METTL15: variants seen among roughly 807,000 people sequenced by gnomAD.
The protein encoded by METTL15 is 12S rRNA N(4)-cytidine methyltransferase METTL15.
Under a neutral mutation model 38.3 loss-of-function variants are expected in METTL15, and 34 were observed. The observed-to-expected ratio is 0.89, with a 90% CI of 0.68 to 1.18. The LOEUF (loss-of-function observed/expected upper bound fraction) is 1.18, where lower values mean the gene tolerates loss of function less well. Ranked by LOEUF, METTL15 falls within the 50% of genes most tolerant of loss-of-function variation. The probability of loss-of-function intolerance (pLI) is 0.00; values close to 1 mark genes in which losing one functional copy is unlikely to be tolerated. For synonymous variants in METTL15, 162 were observed against 170.9 expected (o/e 0.95, Z 0.41); for missense variants, 438 against 498.4 (o/e 0.88, Z 1.15).
Position 28,398,804 on chromosome 11 carries a change from A to G in METTL15, c.*359-25495A>G, listed in dbSNP as rs965184843. On this transcript the variant is annotated intron_variant and NMD_transcript_variant, in intron 5 of 7. Transcript: ENST00000532947. ...TTCTTCTAGGGTTTTTATGGAGGAC[A>G]CAAACAAATGGAAAAACATTCCATG... 3.3e-5 allele frequency: 5 copies of G among 151,626 alleles called. No homozygotes were observed. The Admixed American group carries it at 3.3e-4, about 10-fold the overall frequency. 9.4% of individuals were successfully genotyped at this position (151,626 alleles called of 1,614,324 possible).
chr11:28,330,333 T>C, intron 6 of METTL15, 63 bp from the exon 7 acceptor site: 1 of 1,374,852 alleles, frequency 7.3e-7, no homozygotes, highest in Non-Finnish European at 9.8e-7. Flanking sequence ...ATTCATTAGA[T>C]TTACAGTGAA....
downstream of METTL15, among the ~76,000 whole-genome samples, chr11:28,334,712 T>C (rs1849885277): frequency 1.3e-5 from 2 of 152,160 alleles, no homozygotes; most frequent in South Asian, 4.1e-4. Flanking sequence ...ATCCAACTAA[T>C]GTTTGGTAAC....
intron 6 of METTL15, 151 bp from the exon 7 acceptor site, chr11:28,330,245 A>G: frequency 3.0e-6 from 2 of 663,698 alleles, no homozygotes. Context: ...TTTGGGAATA[A>G]GAGGGGGAAG....
At chr11:28,223,087 A>G (rs926175750) in intron 4 of METTL15, among the ~76,000 whole-genome samples, 7 of 152,142 alleles carry the variant, frequency 4.6e-5, no homozygotes, top group African/African-American at 1.7e-4. Context: ...AAAACACATA[A>G]TCTTCTTAGA....
At chr11:28,517,800 A>G (rs565963282) in intron 6 of METTL15, among the ~76,000 whole-genome samples, 2 of 152,350 alleles carry the variant, frequency 1.3e-5, no homozygotes, top group South Asian at 2.1e-4. Context: ...CAGAAACCTC[A>G]GGGAGGAGAC....
At chr11:28,221,376 G>A (rs7129521) in intron 4 of METTL15, among the ~76,000 whole-genome samples, 14,290 of 151,992 alleles carry the variant, frequency 0.094, 1,213 homozygotes, top group East Asian at 0.36. Flanking sequence ...TTGTGCATTC[G>A]TTACGCAGTT....
chr11:28,283,788 A>T (rs12290739), intron 4 of METTL15, among the ~76,000 whole-genome samples: 21,978 of 152,168 alleles, frequency 0.14, 1,779 homozygotes, highest in East Asian at 0.28. Flanking sequence ...TCATTTAAAA[A>T]GTGTTCTGGA....
At chr11:28,316,609 G>A (rs1857489002) in intron 6 of METTL15, among the ~76,000 whole-genome samples, 1 of 152,148 alleles carries the variant, frequency 6.6e-6, no homozygotes, top group African/African-American at 2.4e-5. Flanking sequence ...ATATTTGGGA[G>A]GGGCCAGGGT....
At chr11:28,135,233 A>C (rs953770892) in intron 3 of METTL15, among the ~76,000 whole-genome samples, 2 of 152,210 alleles carry the variant, frequency 1.3e-5, no homozygotes, top group Non-Finnish European at 2.9e-5. Context: ...TGGCAAAATA[A>C]ACTTTAGTCC....
Position 28,383,725 on chromosome 11 carries a change from A to AT in METTL15, c.*358+21696dup, listed in dbSNP as rs202152670. On this transcript the variant is annotated intron_variant and NMD_transcript_variant, in intron 5 of 7. Coordinates refer to the METTL15 transcript ENST00000532947. ...TCTCTAATGTTTAGTGATGTTGAGCATTTTTTTCTTATGCTTTTTGGCCAT... is the reference window on the plus strand; with the variant it reads ...TCTCTAATGTTTAGTGATGTTGAGCATTTTTTTTCTTATGCTTTTTGGCCAT... Among the ~76,000 whole-genome samples the AT allele has an allele frequency of 7.0e-3, 1,061 of 151,798 alleles. 7 individuals are homozygous for AT. The highest frequency in any genetic ancestry group is 0.024 in the African/African-American group (987 of 41,386).
Position 28,498,367 on chromosome 11 carries a change from C to T in METTL15, c.*425-28111C>T, listed in dbSNP as rs936307132. Reference sequence around the variant, plus strand: ...TAGAGACAGGATTTCACTGTGTTAGCCAGGATGGTCTCGATCTCCTGACCT... The same window carrying T: ...TAGAGACAGGATTTCACTGTGTTAGTCAGGATGGTCTCGATCTCCTGACCT... On this transcript the variant is annotated intron_variant and NMD_transcript_variant, in intron 6 of 7. Transcript: ENST00000532947. Among the ~76,000 whole-genome samples, 5 of 152,060 alleles carry T rather than the reference C, an allele frequency of 3.3e-5. No homozygotes were observed. The East Asian group carries it at 7.8e-4, about 24-fold the overall frequency.
chr11:28,353,948 A>C (rs1175308394), intron 4 of METTL15, among the ~76,000 whole-genome samples: 1 of 151,658 alleles, frequency 6.6e-6, no homozygotes, highest in African/African-American at 2.4e-5. Flanking sequence ...AAAAAAAAAA[A>C]AAAAAGGTGT....
At chr11:28,204,828 G>A (rs1337439555) in intron 3 of METTL15, among the ~76,000 whole-genome samples, 2 of 151,944 alleles carry the variant, frequency 1.3e-5, no homozygotes, top group Admixed American at 6.6e-5. Context: ...GAGGCTTAAA[G>A]AATTCAAGTG....
intron 3 of METTL15, among the ~76,000 whole-genome samples, chr11:28,170,358 T>A (rs1210101368): frequency 6.6e-6 from 1 of 152,042 alleles, no homozygotes; most frequent in African/African-American, 2.4e-5. Context: ...GGGTTGTGGG[T>A]GAAGCTGTTA....
chr11:28,376,985 GC>G (rs1156243868), intron 5 of METTL15, among the ~76,000 whole-genome samples: 3 of 125,622 alleles, frequency 2.4e-5, no homozygotes, highest in African/African-American at 8.0e-5. Flanking sequence ...TTGAATATTG[GC>G]CCCCACTCTC....
chr11:28,249,565 G>C (rs895235890), intron 4 of METTL15, among the ~76,000 whole-genome samples: 2 of 151,860 alleles, frequency 1.3e-5, no homozygotes, highest in Admixed American at 1.3e-4. Context: ...TAAAGGAAGG[G>C]TCAGTAAGTA....
chr11:28,133,697 G>A (rs759518478), intron 3 of METTL15, among the ~76,000 whole-genome samples: 9 of 152,132 alleles, frequency 5.9e-5, no homozygotes, highest in South Asian at 2.1e-4. Context: ...CCTATGTAGA[G>A]TGGAATTGAG....
chr11:28,272,237 T>A (rs945098979), intron 4 of METTL15, among the ~76,000 whole-genome samples: 1 of 152,180 alleles, frequency 6.6e-6, no homozygotes, highest in Admixed American at 6.5e-5. Context: ...CAAAGGATTA[T>A]AAATAATTCT....
At chr11:28,243,106 T>C (rs1854369005) in intron 4 of METTL15, among the ~76,000 whole-genome samples, 3 of 150,410 alleles carry the variant, frequency 2.0e-5, no homozygotes. Context: ...AGTGTGGAAG[T>C]AAAAATAGTA....
Sources: gnomAD v4.1 joint callset for allele counts (sites outside exome capture counted in the v4.1 genomes callset) on GRCh38, gnomAD v4.1.1 for gene constraint, MANE v1.5 for transcripts, NCBI Gene and HGNC (gene_info 2026-07-23, HGNC 2026-07-21) for gene names.